Variants in SGCZ observed in about 807,000 individuals in gnomAD.
SGCZ encodes sarcoglycan zeta, also known as zeta-sarcoglycan.
In SGCZ, 40 loss-of-function variants were observed where a neutral mutation model predicts 41.3. The ratio of observed to expected loss-of-function variants is 0.97; its 90% CI spans 0.75 to 1.26. SGCZ has a LOEUF of 1.26. Ranked by LOEUF, SGCZ falls within the 50% of genes most tolerant of loss-of-function variation. SGCZ has a pLI of 0.00. For synonymous variants in SGCZ, 206 were observed against 137.5 expected, an observed-to-expected ratio of 1.50 and a Z score of -3.49; for missense variants, 552 against 369.8, an observed-to-expected ratio of 1.49 and a Z score of -4.04.
chr8:14,283,907 T>C (rs544635625), intron 3 of SGCZ, among the ~76,000 whole-genome samples: 1 of 152,384 alleles, frequency 6.6e-6, no homozygotes, highest in South Asian at 2.1e-4. Context: ...GAAACTTTTG[T>C]AGAATTTGTT....
At chr8:14,761,178 C>A (rs1193647031) in intron 1 of SGCZ, among the ~76,000 whole-genome samples, 1 of 152,082 alleles carries the variant, frequency 6.6e-6, no homozygotes, top group Non-Finnish European at 1.5e-5. Flanking sequence ...TATATAATTG[C>A]ATTAATTTTG....
At chr8:15,124,851 A>T (rs1807620941) in intron 1 of SGCZ, among the ~76,000 whole-genome samples, 1 of 152,210 alleles carries the variant, frequency 6.6e-6, no homozygotes, top group Admixed American at 6.5e-5. Flanking sequence ...TCAGGGAGGA[A>T]GGATATGTAT....
chr8:14,806,883 A>G lies in SGCZ; in HGVS notation c.40-251957T>C, dbSNP rs1585277742. ...CAGCACATCAAAAAGCTTATCCACC[A>G]TGATCAAGTGGGCTTCATCCCTGGG... On this transcript the variant is annotated intron_variant, in intron 1 of 7. Coordinates refer to ENST00000382080, the MANE Select transcript of SGCZ (RefSeq NM_139167.4). Among the ~76,000 whole-genome samples, 11 of 151,202 alleles carry G rather than the reference A, an allele frequency of 7.3e-5. No homozygotes were observed. In the South Asian group the frequency reaches 2.3e-3, roughly 32 times the overall value.
At chr8:15,211,673 A>G (rs1439701392) in intron 1 of SGCZ, among the ~76,000 whole-genome samples, 2 of 151,882 alleles carry the variant, frequency 1.3e-5, no homozygotes, top group East Asian at 3.9e-4. Flanking sequence ...AGTTCTCTAG[A>G]TCCTATTATC....
chr8:14,714,731 A>C (rs1366645437), intron 1 of SGCZ, among the ~76,000 whole-genome samples: 1 of 152,202 alleles, frequency 6.6e-6, no homozygotes, highest in Non-Finnish European at 1.5e-5. Context: ...AAATACTAGA[A>C]AAAAATTAAA....
At chr8:14,825,364 C>T (rs1802266426) in intron 1 of SGCZ, among the ~76,000 whole-genome samples, 1 of 152,066 alleles carries the variant, frequency 6.6e-6, no homozygotes, top group African/African-American at 2.4e-5. Flanking sequence ...TTTTTTAATA[C>T]ATGTGCTTAG....
intron 1 of SGCZ, among the ~76,000 whole-genome samples, chr8:15,007,784 T>G (rs889844732): frequency 1.3e-5 from 2 of 152,196 alleles, no homozygotes; most frequent in African/African-American, 4.8e-5. Flanking sequence ...ATAATTACTG[T>G]GTAAAATAGA....
At chr8:14,415,547 A>G (rs1799471128) in intron 2 of SGCZ, among the ~76,000 whole-genome samples, 1 of 151,942 alleles carries the variant, frequency 6.6e-6, no homozygotes, top group Admixed American at 6.6e-5. Flanking sequence ...TGGAAATCAT[A>G]TTGTTCTACT....
intron 1 of SGCZ, among the ~76,000 whole-genome samples, chr8:14,695,489 G>A (rs777785553): frequency 1.1e-4 from 16 of 152,084 alleles, no homozygotes; most frequent in Non-Finnish European, 1.6e-4. Flanking sequence ...TGGCAGGATG[G>A]AGTAGGATGC....
chr8:14,406,677 A>G (rs758511044), intron 2 of SGCZ, among the ~76,000 whole-genome samples: 3 of 151,284 alleles, frequency 2.0e-5, no homozygotes, highest in Non-Finnish European at 2.9e-5. Context: ...ATGTCAGTTT[A>G]CCATTGCCAG....
intron 1 of SGCZ, among the ~76,000 whole-genome samples, chr8:14,978,263 T>C (rs1801546180): frequency 6.7e-6 from 1 of 150,324 alleles, no homozygotes; most frequent in Non-Finnish European, 1.5e-5. Context: ...AGGTCAGGAG[T>C]TCAAGACCAG....
At chr8:14,914,601 A>G (rs1687597206) in intron 1 of SGCZ, among the ~76,000 whole-genome samples, 1 of 152,238 alleles carries the variant, frequency 6.6e-6, no homozygotes, top group African/African-American at 2.4e-5. Flanking sequence ...TTCTACAAAT[A>G]ACATCTATCA....
intron 1 of SGCZ, among the ~76,000 whole-genome samples, chr8:15,158,613 T>C (rs1203478255): frequency 6.6e-6 from 1 of 152,244 alleles, no homozygotes; most frequent in Non-Finnish European, 1.5e-5. Flanking sequence ...ATTTAGAAAT[T>C]CATTTGGAAC....
chr8:14,424,892 G>A (rs374309675), intron 2 of SGCZ, among the ~76,000 whole-genome samples: 4 of 152,174 alleles, frequency 2.6e-5, no homozygotes, highest in East Asian at 3.9e-4. Flanking sequence ...AGCAATTTTA[G>A]TATTAATATG....
intron 1 of SGCZ, among the ~76,000 whole-genome samples, chr8:14,627,416 C>G (rs778224465): frequency 6.6e-6 from 1 of 152,084 alleles, no homozygotes; most frequent in Non-Finnish European, 1.5e-5. Context: ...AATGCTGGAT[C>G]ATTTTTGATC....
chr8:14,267,241 T>A (rs1799903875), intron 3 of SGCZ, among the ~76,000 whole-genome samples: 1 of 152,040 alleles, frequency 6.6e-6, no homozygotes, highest in African/African-American at 2.4e-5. Context: ...CAAGTGACAG[T>A]TTTAATACTG....
At chr8:14,505,963 T>A (rs957022659) in intron 2 of SGCZ, among the ~76,000 whole-genome samples, 2 of 152,160 alleles carry the variant, frequency 1.3e-5, no homozygotes, top group African/African-American at 4.8e-5. Context: ...CATGTGCCTA[T>A]GTGATGCTAT....
chr8:15,060,773 A>G (rs910574552), intron 1 of SGCZ, among the ~76,000 whole-genome samples: 2 of 151,690 alleles, frequency 1.3e-5, no homozygotes, highest in Non-Finnish European at 2.9e-5. Context: ...ACATTCTTCT[A>G]AAGAGGGTTG....
At chr8:14,576,173 A>T (rs1393746716) in intron 1 of SGCZ, among the ~76,000 whole-genome samples, 1 of 152,184 alleles carries the variant, frequency 6.6e-6, no homozygotes, top group East Asian at 1.9e-4. Flanking sequence ...CTGCCTTATA[A>T]AATGAGAGCC....
Sources: allele counts gnomAD v4.1 joint callset (sites outside exome capture counted in the v4.1 genomes callset), GRCh38; gene constraint gnomAD v4.1.1; transcripts MANE v1.5; gene names NCBI Gene and HGNC (gene_info 2026-07-23, HGNC 2026-07-21).